HYPK: variants seen among roughly 807,000 people sequenced by gnomAD.
HYPK encodes huntingtin-interacting protein K.
Under a neutral mutation model 13.9 loss-of-function variants are expected in HYPK, and 9 were observed. The observed-to-expected ratio is 0.65, with a 90% CI of 0.39 to 1.13. The LOEUF is 1.13. Among genes scored for constraint, HYPK ranks in the 50% most tolerant of loss-of-function variants. The pLI, the probability that HYPK is intolerant of heterozygous loss-of-function variation, is 0.01. For missense variants in HYPK, 138 were observed against 157.6 expected, an observed-to-expected ratio of 0.88 and a Z score of 0.67; for synonymous variants, 76 against 57.0, an observed-to-expected ratio of 1.33 and a Z score of -1.50.
At chr15:43,800,883 G>C in intron 1 of HYPK, 99 bp downstream of exon 1, 1 of 1,215,512 alleles carries the variant, frequency 8.2e-7, no homozygotes, top group Middle Eastern at 2.8e-4. Context: ...TTCTGATCCC[G>C]TTGGCAGGAG....
At position 43,803,658 on chromosome 15, in the gene HYPK, G is replaced by C. The variant is rs555811163; in HGVS notation, c.*1852G>C. On this transcript the variant is annotated 3_prime_UTR_variant, in exon 4 of 4. Transcript: ENST00000442995. ...TACAAAAAAAAATTAGCTGGGTGTG[G>C]TGGTGGACGCCTGTAATTCCAGCTA... Among the ~76,000 whole-genome samples the C allele has an allele frequency of 6.6e-6, 1 of 151,922 alleles. No homozygotes were observed. Among genetic ancestry groups the C allele is most frequent in the Admixed American group, 6.6e-5 (1 of 15,220 alleles).
rs1278501625 is a variant in HYPK at position 43,803,725 on chromosome 15, T to C, written c.*1919T>C. 7.2e-6 allele frequency among the ~76,000 whole-genome samples: 1 copy of C among 139,148 alleles called. No individual in the cohort carries two copies. Among genetic ancestry groups the C allele is most frequent in the Non-Finnish European group, 1.5e-5 (1 of 64,900 alleles). The allele number at this position is 139,148 out of a possible 152,430, so 91.3% of individuals were successfully genotyped here. ...AGGAGAATCTCTTGAACCCAGGAGG[T>C]TGCAGTGAGCAGAGATCGCGCCACT... On this transcript the variant is annotated 3_prime_UTR_variant, in exon 4 of 4. Transcript: ENST00000442995.
At position 43,801,814 on chromosome 15, in the gene HYPK, T is replaced by A; in HGVS notation, c.*8T>A. ...ATTGCCCTAACCAACTGATGCGTGC[T>A]TTCTCAAATATACCTACTGGATTAA... On this transcript the variant is annotated 3_prime_UTR_variant, in exon 4 of 4. Transcript: ENST00000442995. The A allele has an allele frequency of 6.2e-7, 1 of 1,613,052 alleles. No homozygotes were observed. Among genetic ancestry groups the A allele is most frequent in the Non-Finnish European group, 8.5e-7 (1 of 1,179,068 alleles).
In HYPK at chr15:43,801,751, G is replaced by C. The variant is rs1320197282; in HGVS notation, c.311G>C (p.Ser104Thr). The change falls in exon 4 of 4, where the codon AGT (serine) becomes ACT (threonine). Residue 104 changes from serine (S) to threonine (T), a missense_variant. Physicochemically the swap from Ser to Thr is moderately conservative, Grantham distance 58 (BLOSUM62 1). Coordinates refer to ENST00000442995, the MANE Select transcript of HYPK (RefSeq NM_016400.4). ...MEISRAAAERSLREHMGNVVE... is the reference protein window; with the variant it reads ...MEISRAAAERTLREHMGNVVE... ...ATATCTCGAGCAGCAGCAGAACGCA[G>C]TTTGCGGGAACACATGGGCAACGTG... 1.9e-6 allele frequency: 3 copies of C among 1,614,256 alleles called. No homozygotes were observed. The highest frequency in any genetic ancestry group is 1.3e-5 in the African/African-American group (1 of 75,076).
At chr15:43,800,449 A>G, upstream of HYPK, 1 of 880,852 alleles carries the variant, frequency 1.1e-6, no homozygotes, top group Non-Finnish European at 1.9e-6. Flanking sequence ...AACACTGTAC[A>G]AACCCGAAAG....
Position 43,804,317 on chromosome 15 carries a change from A to G in HYPK, c.*2511A>G, listed in dbSNP as rs1026581395. Reference sequence around the variant, plus strand: ...TATTTGCATTCATTTTTATCGTACGACACTAAACTATTTGATTCTTCCAGT... The same window carrying G: ...TATTTGCATTCATTTTTATCGTACGGCACTAAACTATTTGATTCTTCCAGT... On this transcript the variant is annotated 3_prime_UTR_variant, in exon 4 of 4. Coordinates refer to ENST00000442995, the MANE Select transcript of HYPK (RefSeq NM_016400.4). 6.6e-6 allele frequency among the ~76,000 whole-genome samples: 1 copy of G among 152,050 alleles called. No homozygotes were observed. The highest frequency in any genetic ancestry group is 2.4e-5 in the African/African-American group (1 of 41,440).
At chr15:43,801,016 C>G (rs1424370494) in intron 1 of HYPK, 116 bp from the exon 2 acceptor site, 5 of 980,770 alleles carry the variant, frequency 5.1e-6, no homozygotes, top group Middle Eastern at 2.9e-4. Context: ...ATAGTCCTTG[C>G]TACCTGGTAA....
intron 3 of HYPK, 65 bp downstream of exon 3, chr15:43,801,634 C>A: frequency 3.1e-6 from 5 of 1,608,640 alleles, no homozygotes; most frequent in East Asian, 2.2e-5. Context: ...TGGGTTGTTT[C>A]CTGAAACAAG....
chr15:43,801,424 GATTT>G (rs2087313973), intron 2 of HYPK, 90 bp from the exon 3 acceptor site: 3 of 1,116,160 alleles, frequency 2.7e-6, no homozygotes, highest in Admixed American at 2.0e-5. Context: ...GGTTTATCAA[GATTT>G]ATTTACAGGG....
At position 43,804,021 on chromosome 15, in the gene HYPK, G is replaced by A. The variant is rs2087345124; in HGVS notation, c.*2215G>A. The stretch of plus-strand genomic sequence containing the variant: ...CAAAAATTAGCCAGGCATGGTGGCA[G>A]GCGCCTGTAGTCCCAGCTACTCGGG... On this transcript the variant is annotated 3_prime_UTR_variant, in exon 4 of 4. Coordinates refer to ENST00000442995, the MANE Select transcript of HYPK (RefSeq NM_016400.4). Among the ~76,000 whole-genome samples, 4 of 151,786 alleles carry A rather than the reference G, an allele frequency of 2.6e-5. No individual in the cohort carries two copies. Among genetic ancestry groups the A allele is most frequent in the Non-Finnish European group, 5.9e-5 (4 of 67,886 alleles).
In HYPK at chr15:43,800,813, G is replaced by A. The variant is rs771580639; in HGVS notation, c.162+29G>A. 6 of 1,578,142 alleles carry A rather than the reference G, an allele frequency of 3.8e-6. No individual in the cohort carries two copies. In the Admixed American group the frequency reaches 1.1e-4, roughly 28 times the overall value. On this transcript the variant is annotated intron_variant, in intron 1 of 3. Coordinates refer to ENST00000442995, the MANE Select transcript of HYPK (RefSeq NM_016400.4). ...AGGTTGGCCAAGAGCATGTCGGGGC[G>A]GGCTGAGAGCAGAGGGGGGCTCTGA...
intron 1 of HYPK, 77 bp from the exon 2 acceptor site, chr15:43,801,055 C>G: frequency 7.7e-7 from 1 of 1,294,048 alleles, no homozygotes; most frequent in Admixed American, 1.7e-5. Context: ...CATGCATGAA[C>G]CGCTTGTTTT....
intron 2 of HYPK, 27 bp from the exon 3 acceptor site, chr15:43,801,491 G>A: frequency 6.3e-7 from 1 of 1,590,022 alleles, no homozygotes; most frequent in Non-Finnish European, 8.6e-7. Flanking sequence ...TGAGAATGAG[G>A]ACTAATATAT....
rs1445077273 is a variant in HYPK at position 43,803,838 on chromosome 15, C to G, written c.*2032C>G. On this transcript the variant is annotated 3_prime_UTR_variant, in exon 4 of 4. Coordinates refer to ENST00000442995, the MANE Select transcript of HYPK (RefSeq NM_016400.4). ...CTTGGACCAACTCACACATGTTGAACTAGTTTCCTCAACTATAAAACTGTG... is the reference window on the plus strand; with the variant it reads ...CTTGGACCAACTCACACATGTTGAAGTAGTTTCCTCAACTATAAAACTGTG... 1.3e-5 allele frequency among the ~76,000 whole-genome samples: 2 copies of G among 150,248 alleles called. No individual in the cohort carries two copies. Among genetic ancestry groups the G allele is most frequent in the Non-Finnish European group, 3.0e-5 (2 of 67,724 alleles).
chr15:43,800,603 G>A lies in HYPK; in HGVS notation c.-20G>A. ...AGTCGGCGTGAGGTGGGGCTTATGC[G>A]GCGGCGTGGTGAAATAGATATGGCG... On this transcript the variant is annotated 5_prime_UTR_variant, in exon 1 of 4. Transcript: ENST00000442995. 6 of 1,613,894 alleles carry A rather than the reference G, an allele frequency of 3.7e-6. No homozygotes were observed. Among genetic ancestry groups the A allele is most frequent in the Non-Finnish European group, 5.1e-6 (6 of 1,179,934 alleles).
chr15:43,800,915 G>C (rs756928617), intron 1 of HYPK, 131 bp downstream of exon 1: 1 of 993,810 alleles, frequency 1.0e-6, no homozygotes, highest in Non-Finnish European at 1.5e-6. Flanking sequence ...GTAGAGCCGA[G>C]GGAAACAGCG....
At position 43,804,415 on chromosome 15, in the gene HYPK, G is replaced by A. The variant is rs1219984263; in HGVS notation, c.*2609G>A. 1 of 152,186 alleles carries A rather than the reference G, an allele frequency of 6.6e-6. No individual in the cohort carries two copies. The highest frequency in any genetic ancestry group is 1.9e-4 in the East Asian group (1 of 5,192). 9.4% of individuals were successfully genotyped at this position (152,186 alleles called of 1,614,324 possible). On this transcript the variant is annotated 3_prime_UTR_variant, in exon 4 of 4. Transcript: ENST00000442995. The stretch of plus-strand genomic sequence containing the variant: ...TGTATTTGGTCATGGAATAAATCCA[G>A]ATGCTACCTAAAGCCAAGCTAGTAC...
chr15:43,801,327 C>A, intron 2 of HYPK, 140 bp downstream of exon 2: 1 of 897,064 alleles, frequency 1.1e-6, no homozygotes, highest in South Asian at 1.5e-5. Flanking sequence ...CAACTTTACT[C>A]TTGTTAGCAG....
rs1283874749 is a variant in HYPK at position 43,804,013 on chromosome 15, TG to T, written c.*2209del. 6.6e-6 allele frequency among the ~76,000 whole-genome samples: 1 copy of T among 151,552 alleles called. No individual in the cohort carries two copies. On this transcript the variant is annotated 3_prime_UTR_variant, in exon 4 of 4. Coordinates refer to ENST00000442995, the MANE Select transcript of HYPK (RefSeq NM_016400.4). ...TAAAAATACAAAAATTAGCCAGGCA[TG>T]GTGGCAGGCGCCTGTAGTCCCAGCT... is the stretch of plus-strand genomic sequence containing the variant.
Sources: allele counts gnomAD v4.1 joint callset (sites outside exome capture counted in the v4.1 genomes callset), GRCh38; gene constraint gnomAD v4.1.1; transcripts MANE v1.5; gene names NCBI Gene and HGNC (gene_info 2026-07-23, HGNC 2026-07-21).